UNC13C: variants seen among roughly 807,000 people sequenced by gnomAD.
UNC13C encodes the protein protein unc-13 homolog C.
In UNC13C, 174 loss-of-function variants were observed where a neutral mutation model predicts 245.4. That is an observed-to-expected ratio of 0.71 (90% confidence interval 0.63 to 0.80). The LOEUF (loss-of-function observed/expected upper bound fraction) is 0.80. UNC13C is among the 30% of genes least tolerant of loss of function. The probability of loss-of-function intolerance (pLI) is 0.00; values close to 1 mark genes in which losing one functional copy is unlikely to be tolerated. For missense variants in UNC13C, 2,829 were observed against 2,602.9 expected (o/e 1.09, Z -1.89); for synonymous variants, 992 against 895.1 (o/e 1.11, Z -1.93).
chr15:54,618,779 G>A (rs886311384), intron 30 of UNC13C, among the ~76,000 whole-genome samples: 7 of 152,182 alleles, frequency 4.6e-5, no homozygotes, highest in East Asian at 1.9e-4. Context: ...ATGAATCAAC[G>A]GAAGTATATG....
intron 4 of UNC13C, among the ~76,000 whole-genome samples, chr15:54,219,760 A>C (rs928956223): frequency 1.3e-5 from 2 of 151,888 alleles, no homozygotes; most frequent in African/African-American, 2.4e-5. Flanking sequence ...CAAGAAAAAA[A>C]CAACCCCATC....
At chr15:54,486,842 T>C (rs951143940) in intron 19 of UNC13C, among the ~76,000 whole-genome samples, 1 of 152,204 alleles carries the variant, frequency 6.6e-6, no homozygotes, top group Non-Finnish European at 1.5e-5. Flanking sequence ...TGCTTCCTAA[T>C]TTTTCAGGTC....
At position 54,013,160 on chromosome 15, in the gene UNC13C, T is replaced by C. The variant is rs1028769813; in HGVS notation, c.257T>C (p.Phe86Ser). ...GAGGAAGACGAGGCCAGTAAAGAGT[T>C]TTCCCTCTCACCAACATTCAGTTAC... Reference protein sequence around the residue: ...STEEDEASKEFSLSPTFSYRV... With the variant: ...STEEDEASKESSLSPTFSYRV... Residue 86 changes from phenylalanine (F) to serine (S), a missense_variant, in exon 2 of 33, where the codon TTT becomes TCT. Physicochemically the swap from Phe to Ser is radical, Grantham distance 155. Transcript: ENST00000260323. The C allele has an allele frequency of 8.7e-6, 14 of 1,613,714 alleles. No homozygotes were observed. Among genetic ancestry groups the C allele is most frequent in the Non-Finnish European group, 1.1e-5 (13 of 1,179,858 alleles).
chr15:54,194,581 C>A (rs1389255506), intron 4 of UNC13C, among the ~76,000 whole-genome samples: 2 of 148,338 alleles, frequency 1.3e-5, no homozygotes, highest in Non-Finnish European at 3.0e-5. Flanking sequence ...ATATAAAACT[C>A]TCCATTGAAT....
chr15:54,374,238 A>T (rs964014453), intron 17 of UNC13C, among the ~76,000 whole-genome samples: 1 of 152,184 alleles, frequency 6.6e-6, no homozygotes, highest in African/African-American at 2.4e-5. Context: ...TGGAACTGGC[A>T]GCCCAGCCCC....
intron 30 of UNC13C, among the ~76,000 whole-genome samples, chr15:54,615,702 T>C (rs772810916): frequency 2.6e-5 from 4 of 152,016 alleles, no homozygotes; most frequent in Non-Finnish European, 4.4e-5. Flanking sequence ...GAAAGTTGTT[T>C]TGTTTATTTT....
rs375600055 is a variant in UNC13C, at chr15:54,438,083, GGTGAGGTTACTC to G, written c.4933+23017_4933+23028del. On this transcript the variant is annotated intron_variant, in intron 19 of 32. Transcript: ENST00000260323. ...AGTTTAGTCTCTTTACAACATATTTGGTGAGGTTACTCTTAAGGAAAGCCTATAGACTCATCT... is the reference window on the plus strand; with the variant it reads ...AGTTTAGTCTCTTTACAACATATTTGTTAAGGAAAGCCTATAGACTCATCT... Among the ~76,000 whole-genome samples the G allele has an allele frequency of 3.6e-3, 550 of 151,806 alleles. 3 individuals are homozygous for G. The highest frequency in any genetic ancestry group is 0.013 in the African/African-American group (531 of 41,452).
In UNC13C at chr15:54,274,861, A is replaced by G. The variant is rs181759875; in HGVS notation, c.3818+9365A>G. Among the ~76,000 whole-genome samples, 271 of 151,874 alleles carry G rather than the reference A, an allele frequency of 1.8e-3. 1 individual carries two copies. The highest frequency in any genetic ancestry group is 0.015 in the Admixed American group (235 of 15,250). ...TAATTTTTGTATTTTTAGTAGAGAC[A>G]GGGTTTCACCATGTTAGCCAGGATG... On this transcript the variant is annotated intron_variant, in intron 10 of 32. Coordinates refer to ENST00000260323, the MANE Select transcript of UNC13C (RefSeq NM_001080534.3).
intron 1 of UNC13C, among the ~76,000 whole-genome samples, chr15:54,011,091 T>A (rs1895363605): frequency 6.6e-6 from 1 of 152,072 alleles, no homozygotes; most frequent in South Asian, 2.1e-4. Context: ...GGATAATGAA[T>A]GATATTCTGG....
chr15:54,181,892 G>A (rs1477012552), intron 4 of UNC13C, among the ~76,000 whole-genome samples: 2 of 151,978 alleles, frequency 1.3e-5, no homozygotes, highest in Non-Finnish European at 2.9e-5. Flanking sequence ...TTTGTATCCT[G>A]AAACTGTACT....
chr15:54,594,808 A>G (rs1314394634), intron 30 of UNC13C, among the ~76,000 whole-genome samples: 1 of 152,218 alleles, frequency 6.6e-6, no homozygotes, highest in Non-Finnish European at 1.5e-5. Flanking sequence ...ATGTTGGGGA[A>G]ACCAGCCCCA....
At chr15:53,904,252 A>G in the UNC13C span, among the ~76,000 whole-genome samples, 1 of 152,182 alleles carries the variant, frequency 6.6e-6, no homozygotes, top group Non-Finnish European at 1.5e-5. Flanking sequence ...AATTTCTTTA[A>G]GTAGCATTTG....
chr15:54,379,166 A>G (rs746956357), intron 17 of UNC13C, among the ~76,000 whole-genome samples: 98 of 152,058 alleles, frequency 6.4e-4, no homozygotes, highest in African/African-American at 2.2e-3. Context: ...GTTATTTGAG[A>G]AAACTAGTAA....
chr15:54,408,866 T>G (rs758028762), intron 18 of UNC13C, among the ~76,000 whole-genome samples: 3 of 152,206 alleles, frequency 2.0e-5, no homozygotes, highest in Non-Finnish European at 4.4e-5. Flanking sequence ...TAATACTGCC[T>G]GAGAGACATC....
At position 54,236,431 on chromosome 15, in the gene UNC13C, C is replaced by T; in HGVS notation, c.3152C>T (p.Ala1051Val). The T allele has an allele frequency of 6.3e-7, 1 of 1,591,164 alleles. No homozygotes were observed. Among genetic ancestry groups the T allele is most frequent in the Non-Finnish European group, 8.5e-7 (1 of 1,174,554 alleles). Residue 1051 changes from alanine to valine, a missense_variant and splice_region_variant, in exon 6 of 33, where the codon GCC (alanine) becomes GTC (valine). Transcript: ENST00000260323. Reference protein sequence around the residue: ...KKTLPIVRDVAMTLAARKSGL... With the variant: ...KKTLPIVRDVVMTLAARKSGL... ...TCCTCTCACTTCTGGAATCTTCAGGCCATGGTAAGTGCTTTGCTATTTATT... is the reference window on the plus strand; with the variant it reads ...TCCTCTCACTTCTGGAATCTTCAGGTCATGGTAAGTGCTTTGCTATTTATT...
chr15:54,099,379 T>C (rs1900047021), intron 2 of UNC13C, among the ~76,000 whole-genome samples: 1 of 152,194 alleles, frequency 6.6e-6, no homozygotes, highest in Non-Finnish European at 1.5e-5. Flanking sequence ...TGCTTGGGAA[T>C]ATAGCAAACC....
intron 8 of UNC13C, among the ~76,000 whole-genome samples, chr15:54,259,467 G>T (rs1478806609): frequency 6.6e-6 from 1 of 152,174 alleles, no homozygotes; most frequent in Non-Finnish European, 1.5e-5. Context: ...AGAAGCAAAT[G>T]AAAGGGGTTT....
intron 8 of UNC13C, among the ~76,000 whole-genome samples, chr15:54,253,053 C>T (rs1194203231): frequency 4.6e-5 from 7 of 152,150 alleles, no homozygotes; most frequent in Non-Finnish European, 1.0e-4. Context: ...TTCTAGTACT[C>T]TTTATTTTGC....
At chr15:53,903,775 A>G in the UNC13C span, among the ~76,000 whole-genome samples, 11 of 152,248 alleles carry the variant, frequency 7.2e-5, no homozygotes, top group African/African-American at 2.7e-4. Flanking sequence ...ACAAAAAGCC[A>G]TATGTATAAC....
Sources: allele counts gnomAD v4.1 joint callset (sites outside exome capture counted in the v4.1 genomes callset), GRCh38; gene constraint gnomAD v4.1.1; transcripts MANE v1.5; gene names NCBI Gene and HGNC (gene_info 2026-07-23, HGNC 2026-07-21).